The following HLCS variants were observed in gnomAD, a reference collection of about 807,000 sequenced individuals.
HLCS encodes the protein biotin--protein ligase.
A neutral mutation model predicts 75.0 loss-of-function variants in HLCS; 53 were observed. That is an observed-to-expected ratio of 0.71 (90% CI 0.57 to 0.89). HLCS has a LOEUF of 0.89. Among genes scored for constraint, HLCS ranks in the 40% least tolerant of loss-of-function variants. HLCS has a pLI of 0.00. For missense variants in HLCS, 966 were observed against 1,074.0 expected, an observed-to-expected ratio of 0.90 and a Z score of 1.41; for synonymous variants, 431 against 428.6, an observed-to-expected ratio of 1.01 and a Z score of -0.07.
intron 2 of HLCS, among the ~76,000 whole-genome samples, chr21:36,940,866 G>C (rs1202130844): frequency 6.6e-6 from 1 of 152,220 alleles, no homozygotes; most frequent in African/African-American, 2.4e-5. Flanking sequence ...CCTGGGGGCA[G>C]TTTCCCCCAT....
intron 6 of HLCS, among the ~76,000 whole-genome samples, chr21:36,808,650 A>C (rs1312137923): frequency 2.0e-5 from 3 of 152,218 alleles, no homozygotes; most frequent in African/African-American, 7.2e-5. Context: ...ATTTTTGCTT[A>C]AAATTCTTAT....
intron 6 of HLCS, among the ~76,000 whole-genome samples, chr21:36,790,714 A>T (rs1270756465): frequency 1.3e-5 from 2 of 152,192 alleles, no homozygotes; most frequent in East Asian, 1.9e-4. Flanking sequence ...TGGGCTGTGA[A>T]GGCTCAGACA....
At chr21:36,887,341 C>T (rs1159900437) in intron 6 of HLCS, among the ~76,000 whole-genome samples, 1 of 152,054 alleles carries the variant, frequency 6.6e-6, no homozygotes, top group African/African-American at 2.4e-5. Context: ...CGGCTCAGTT[C>T]TAATGAAAAT....
At chr21:36,983,426 G>A (rs2069163138) in intron 1 of HLCS, among the ~76,000 whole-genome samples, 1 of 151,704 alleles carries the variant, frequency 6.6e-6, no homozygotes, top group Non-Finnish European at 1.5e-5. Flanking sequence ...GGCCAGGCTG[G>A]TCTCGAACCC....
intron 6 of HLCS, among the ~76,000 whole-genome samples, chr21:36,802,892 T>C (rs557016256): frequency 1.3e-5 from 2 of 152,302 alleles, no homozygotes; most frequent in African/African-American, 4.8e-5. Context: ...AAAACTGAAA[T>C]AGAAGTTAAT....
intron 6 of HLCS, among the ~76,000 whole-genome samples, chr21:36,791,592 C>A (rs924005582): frequency 1.3e-5 from 2 of 152,086 alleles, no homozygotes; most frequent in African/African-American, 2.4e-5. Flanking sequence ...TTTCTCACCC[C>A]ATTAAATGTA....
In HLCS at chr21:36,962,173, GT is replaced by G. The variant is rs2068332337; in HGVS notation, c.196-4del. 7.8e-7 allele frequency: 1 copy of G among 1,284,892 alleles called. No homozygotes were observed. Among genetic ancestry groups the G allele is most frequent in the Non-Finnish European group, 1.0e-6 (1 of 986,092 alleles). The allele number at this position is 1,284,892 out of a possible 1,614,324, so 79.6% of individuals were successfully genotyped here. ...CACTTGTTCAAGTCTTCAATGGACT[GT>G]ATAGAGGGAAAGAAATATAATGAGA... On this transcript the variant is annotated splice_polypyrimidine_tract_variant and splice_region_variant and intron_variant, in intron 1 of 10. Transcript: ENST00000674895.
Position 36,888,443 on chromosome 21 carries a change from AAAATAT to A in HLCS, c.1892+8411_1892+8416del, listed in dbSNP as rs1475056183. Among the ~76,000 whole-genome samples the A allele has an allele frequency of 3.9e-3, 109 of 28,282 alleles. 3 individuals carry two copies. The highest frequency in any genetic ancestry group is 5.9e-3 in the Non-Finnish European group (83 of 14,084). 18.6% of individuals were successfully genotyped at this position (28,282 alleles called of 152,430 possible). A position where few individuals can be genotyped will look rare whatever the true frequency, so the allele number is the denominator to read the frequency against. On this transcript the variant is annotated intron_variant, in intron 6 of 10. Transcript: ENST00000674895. ...GCCCCCTTCCCATTTAAAAAAAAAAAAAATATATATATATATATATATATATATATA... is the reference window on the plus strand; with the variant it reads ...GCCCCCTTCCCATTTAAAAAAAAAAAATATATATATATATATATATATATA...
At chr21:36,806,762 G>T (rs888232909) in intron 6 of HLCS, among the ~76,000 whole-genome samples, 5 of 152,182 alleles carry the variant, frequency 3.3e-5, no homozygotes, top group African/African-American at 1.2e-4. Flanking sequence ...ACAAATGAAC[G>T]CAAAACTAAG....
At chr21:36,764,640 G>A (rs2089969878) in intron 8 of HLCS, among the ~76,000 whole-genome samples, 1 of 152,100 alleles carries the variant, frequency 6.6e-6, no homozygotes, top group South Asian at 2.1e-4. Flanking sequence ...GGAAGGTGGA[G>A]GTTGCAGTGA....
At chr21:36,885,178 T>C (rs779540319) in intron 6 of HLCS, among the ~76,000 whole-genome samples, 8 of 152,070 alleles carry the variant, frequency 5.3e-5, no homozygotes, top group Non-Finnish European at 1.2e-4. Context: ...AGAAAAAAAC[T>C]GTCGAAATCT....
chr21:36,935,881 A>G (rs1410891235), intron 4 of HLCS, among the ~76,000 whole-genome samples: 1 of 152,218 alleles, frequency 6.6e-6, no homozygotes, highest in Non-Finnish European at 1.5e-5. Flanking sequence ...AAATCTAAGT[A>G]GCTTCAATAT....
At chr21:36,772,504 A>C (rs1435789063) in intron 6 of HLCS, among the ~76,000 whole-genome samples, 2 of 151,712 alleles carry the variant, frequency 1.3e-5, no homozygotes, top group African/African-American at 4.8e-5. Context: ...CCAGGCATGG[A>C]GGTACATGCC....
At chr21:36,921,649 C>T (rs1273049815) in intron 5 of HLCS, among the ~76,000 whole-genome samples, 3 of 152,064 alleles carry the variant, frequency 2.0e-5, no homozygotes, top group Non-Finnish European at 4.4e-5. Flanking sequence ...TGATGGGCAA[C>T]GCTGTTCTCC....
At chr21:36,797,817 C>A (rs1182992127) in intron 6 of HLCS, among the ~76,000 whole-genome samples, 1 of 152,216 alleles carries the variant, frequency 6.6e-6, no homozygotes, top group African/African-American at 2.4e-5. Context: ...TAATTCTGTG[C>A]ATTCACATGT....
chr21:36,933,206 G>A (rs984970341), intron 4 of HLCS, among the ~76,000 whole-genome samples: 2 of 152,162 alleles, frequency 1.3e-5, no homozygotes, highest in East Asian at 1.9e-4. Context: ...GCTGCAGGCT[G>A]GCTGCTTCCT....
intron 5 of HLCS, among the ~76,000 whole-genome samples, chr21:36,910,678 C>T (rs1179207342): frequency 6.6e-6 from 1 of 152,118 alleles, no homozygotes; most frequent in African/African-American, 2.4e-5. Flanking sequence ...CAAAGCAAGG[C>T]TCCATGCAGG....
At chr21:36,776,797 A>G (rs1410282445) in intron 6 of HLCS, among the ~76,000 whole-genome samples, 8 of 152,258 alleles carry the variant, frequency 5.3e-5, no homozygotes, top group African/African-American at 1.9e-4. Context: ...CTGCAGCCGT[A>G]TGGTTTCTGT....
intron 5 of HLCS, among the ~76,000 whole-genome samples, chr21:36,903,580 T>C (rs535972985): frequency 3.3e-5 from 5 of 152,220 alleles, no homozygotes; most frequent in African/African-American, 1.2e-4. Flanking sequence ...TCAAAGTCAA[T>C]GAAAACCAGG....
Sources: allele counts gnomAD v4.1 joint callset (sites outside exome capture counted in the v4.1 genomes callset), GRCh38; gene constraint gnomAD v4.1.1; transcripts MANE v1.5; gene names NCBI Gene and HGNC (gene_info 2026-07-23, HGNC 2026-07-21).